ADAMTSL1: variants seen among roughly 807,000 people sequenced by gnomAD.
The protein encoded by ADAMTSL1 is ADAMTS-like protein 1.
A neutral mutation model predicts 201.8 loss-of-function variants in ADAMTSL1; 126 were observed. The ratio of observed to expected loss-of-function variants is 0.62; its 90% CI spans 0.54 to 0.72. The LOEUF is 0.72. Among genes scored for constraint, ADAMTSL1 ranks in the 30% least tolerant of loss-of-function variants. ADAMTSL1 has a pLI of 0.00. For missense variants in ADAMTSL1, 2,679 were observed against 2,277.8 expected, an observed-to-expected ratio of 1.18 and a Z score of -3.59; for synonymous variants, 1,121 against 903.4, an observed-to-expected ratio of 1.24 and a Z score of -4.32.
intron 1 of ADAMTSL1, among the ~76,000 whole-genome samples, chr9:17,988,180 G>A (rs528190893): frequency 2.1e-4 from 32 of 152,092 alleles, no homozygotes; most frequent in Admixed American, 1.4e-3. Context: ...CGCTTTATTG[G>A]CATTGTTTTA....
At chr9:18,364,806 A>C (rs1001466665) in intron 2 of ADAMTSL1, among the ~76,000 whole-genome samples, 3 of 152,136 alleles carry the variant, frequency 2.0e-5, no homozygotes, top group African/African-American at 7.2e-5. Flanking sequence ...GCAAACAGGC[A>C]GGTCACACAT....
chr9:18,041,190 C>T (rs1406638172), intron 1 of ADAMTSL1, among the ~76,000 whole-genome samples: 1 of 152,118 alleles, frequency 6.6e-6, no homozygotes, highest in Non-Finnish European at 1.5e-5. Context: ...AGAAAGTACC[C>T]TCATCATCAC....
intron 1 of ADAMTSL1, among the ~76,000 whole-genome samples, chr9:17,964,871 T>C (rs1817917708): frequency 6.6e-6 from 1 of 152,108 alleles, no homozygotes; most frequent in African/African-American, 2.4e-5. Flanking sequence ...GGATTTCTTT[T>C]CTTTTCTTTT....
At chr9:18,791,473 A>C (rs752958594) in intron 19 of ADAMTSL1, among the ~76,000 whole-genome samples, 8 of 152,202 alleles carry the variant, frequency 5.3e-5, no homozygotes, top group Non-Finnish European at 8.8e-5. Flanking sequence ...AGAAGAAAGC[A>C]CGACTAAACA....
chr9:18,106,279 G>C (rs1272848056), intron 1 of ADAMTSL1, among the ~76,000 whole-genome samples: 6 of 152,208 alleles, frequency 3.9e-5, no homozygotes, highest in Non-Finnish European at 8.8e-5. Context: ...TTTGTTTCCA[G>C]ATACAATGCT....
intron 3 of ADAMTSL1, among the ~76,000 whole-genome samples, chr9:18,552,680 C>T (rs746494683): frequency 4.0e-5 from 6 of 151,376 alleles, no homozygotes; most frequent in Admixed American, 6.6e-5. Context: ...CCTTGTAGTC[C>T]GTTTGGGTTA....
At chr9:18,176,140 T>C (rs1828144409) in intron 2 of ADAMTSL1, among the ~76,000 whole-genome samples, 1 of 152,084 alleles carries the variant, frequency 6.6e-6, no homozygotes, top group Non-Finnish European at 1.5e-5. Flanking sequence ...TGTTGTCAAT[T>C]TGTTGTAGCG....
chr9:18,713,899 C>G (rs1417929505), intron 14 of ADAMTSL1, among the ~76,000 whole-genome samples: 1 of 140,124 alleles, frequency 7.1e-6, no homozygotes, highest in South Asian at 2.3e-4. Flanking sequence ...AACAAACTAT[C>G]TCTCAGACCA....
At position 18,533,363 on chromosome 9, in the gene ADAMTSL1, T is replaced by C. The variant is rs957986803; in HGVS notation, c.237+71T>C. On this transcript the variant is annotated intron_variant, in intron 3 of 28. Coordinates refer to ENST00000380548, the MANE Select transcript of ADAMTSL1 (RefSeq NM_001040272.6). Reference sequence around the variant, plus strand: ...CTGAATGGTGCTAAGCAGTTTTATATCCTGAGCAGGAAATCAACCAACTAG... The same window carrying C: ...CTGAATGGTGCTAAGCAGTTTTATACCCTGAGCAGGAAATCAACCAACTAG... The C allele has an allele frequency of 1.5e-5, 20 of 1,356,038 alleles. No individual in the cohort carries two copies. In the African/African-American group the frequency reaches 1.6e-4, roughly 11 times the overall value. 84.0% of individuals were successfully genotyped at this position (1,356,038 alleles called of 1,614,324 possible).
At chr9:18,260,460 T>C (rs1006945140) in intron 2 of ADAMTSL1, among the ~76,000 whole-genome samples, 5 of 152,204 alleles carry the variant, frequency 3.3e-5, no homozygotes, top group African/African-American at 1.2e-4. Flanking sequence ...GGGAGAAGGC[T>C]CTCTCCAATC....
chr9:17,982,585 C>G (rs897210392), intron 1 of ADAMTSL1, among the ~76,000 whole-genome samples: 1 of 152,010 alleles, frequency 6.6e-6, no homozygotes, highest in African/African-American at 2.4e-5. Flanking sequence ...GCACTCCAGC[C>G]TGGGTGACAG....
chr9:18,275,796 A>G (rs1309923386), intron 2 of ADAMTSL1, among the ~76,000 whole-genome samples: 1 of 152,152 alleles, frequency 6.6e-6, no homozygotes, highest in African/African-American at 2.4e-5. Flanking sequence ...GTTTGAGACT[A>G]TTATTAATAA....
chr9:18,872,841 G>A (rs181401818), intron 23 of ADAMTSL1, among the ~76,000 whole-genome samples: 471 of 152,182 alleles, frequency 3.1e-3, no homozygotes, highest in Non-Finnish European at 5.5e-3. Context: ...ACTTGTTTTC[G>A]TCTGGGTGGA....
intron 1 of ADAMTSL1, among the ~76,000 whole-genome samples, chr9:18,020,453 A>T (rs981936754): frequency 5.3e-5 from 8 of 152,002 alleles, no homozygotes; most frequent in Admixed American, 1.3e-4. Flanking sequence ...GTGTAGAGGG[A>T]ACAAAGCCTG....
chr9:18,591,256 T>G (rs1823896392), intron 4 of ADAMTSL1, among the ~76,000 whole-genome samples: 1 of 152,180 alleles, frequency 6.6e-6, no homozygotes, highest in African/African-American at 2.4e-5. Context: ...GAATTAACTC[T>G]TTTATCATTA....
intron 9 of ADAMTSL1, among the ~76,000 whole-genome samples, chr9:18,671,445 C>G (rs1299035386): frequency 6.6e-6 from 1 of 152,132 alleles, no homozygotes; most frequent in Non-Finnish European, 1.5e-5. Flanking sequence ...AGGAGGAGAT[C>G]TACTTGGCAA....
intron 1 of ADAMTSL1, among the ~76,000 whole-genome samples, chr9:17,927,011 C>G (rs1456016880): frequency 6.6e-6 from 1 of 152,148 alleles, no homozygotes; most frequent in African/African-American, 2.4e-5. Flanking sequence ...CTCCAGAGCT[C>G]TTTTCAACTT....
At chr9:18,483,090 C>G (rs997415946) in intron 1 of ADAMTSL1, among the ~76,000 whole-genome samples, 1 of 152,152 alleles carries the variant, frequency 6.6e-6, no homozygotes, top group Non-Finnish European at 1.5e-5. Context: ...GGAATGTGAC[C>G]TCAGTTGACT....
chr9:18,643,468 G>A (rs2132836129), intron 7 of ADAMTSL1, among the ~76,000 whole-genome samples: 1 of 151,766 alleles, frequency 6.6e-6, no homozygotes, highest in South Asian at 2.1e-4. Context: ...GTACTTTTGG[G>A]TCATATTCAA....
Sources: allele counts gnomAD v4.1 joint callset (sites outside exome capture counted in the v4.1 genomes callset), GRCh38; gene constraint gnomAD v4.1.1; transcripts MANE v1.5; gene names NCBI Gene and HGNC (gene_info 2026-07-23, HGNC 2026-07-21).